The following NAALADL2 variants were observed in gnomAD, a reference collection of about 807,000 sequenced individuals.
The protein encoded by NAALADL2 is inactive N-acetylated-alpha-linked acidic dipeptidase-like protein 2.
NAALADL2 carries 76 observed loss-of-function variants against 87.2 expected under a neutral mutation model. The observed-to-expected ratio is 0.87, with a 90% CI of 0.72 to 1.05. NAALADL2 has a LOEUF of 1.05. Among genes scored for constraint, NAALADL2 ranks in the 50% least tolerant of loss-of-function variants. The pLI is 0.00. For missense variants in NAALADL2, 1,089 were observed against 945.8 expected (o/e 1.15, Z -1.99); for synonymous variants, 354 against 331.0 (o/e 1.07, Z -0.75).
chr3:174,884,478 C>A (rs778063239), intron 1 of NAALADL2, among the ~76,000 whole-genome samples: 7 of 152,140 alleles, frequency 4.6e-5, no homozygotes, highest in Non-Finnish European at 7.3e-5. Context: ...TGTCACACTT[C>A]TTTAGCTGTA....
At chr3:174,817,565 G>T (rs1720939395) in intron 3 of NAALADL2, among the ~76,000 whole-genome samples, 1 of 152,064 alleles carries the variant, frequency 6.6e-6, no homozygotes, top group Admixed American at 6.6e-5. Flanking sequence ...TTGTACCACT[G>T]CACTTCAGCC....
intron 11 of NAALADL2, among the ~76,000 whole-genome samples, chr3:175,704,142 T>C (rs73049384): frequency 0.01 from 1,544 of 152,272 alleles, 31 homozygotes; most frequent in African/African-American, 0.036. Context: ...TGTTATAAAA[T>C]ACAATCTGAG....
At chr3:175,654,648 C>G (rs1394318739) in intron 11 of NAALADL2, among the ~76,000 whole-genome samples, 2 of 152,184 alleles carry the variant, frequency 1.3e-5, no homozygotes, top group Non-Finnish European at 2.9e-5. Context: ...AGTGCAGCTG[C>G]AGGCATAGCT....
intron 3 of NAALADL2, among the ~76,000 whole-genome samples, chr3:175,251,291 G>T (rs866060932): frequency 7.9e-5 from 12 of 152,020 alleles, no homozygotes; most frequent in South Asian, 2.1e-4. Flanking sequence ...TTAGTTCCTT[G>T]TTCTTGGTTA....
intron 10 of NAALADL2, among the ~76,000 whole-genome samples, chr3:175,610,379 A>G (rs1053256979): frequency 6.6e-6 from 1 of 152,042 alleles, no homozygotes; most frequent in African/African-American, 2.4e-5. Context: ...TGTTCAATGT[A>G]CAGATAATGA....
At chr3:175,106,940 G>T (rs1723263917) in intron 2 of NAALADL2, among the ~76,000 whole-genome samples, 1 of 151,864 alleles carries the variant, frequency 6.6e-6, no homozygotes, top group South Asian at 2.1e-4. Context: ...AAATATTGTA[G>T]TCACTTAAAA....
intron 11 of NAALADL2, 144 bp downstream of exon 11, chr3:175,627,530 T>C (rs891485552): frequency 2.3e-4 from 130 of 571,896 alleles, no homozygotes; most frequent in Non-Finnish European, 2.8e-4. Context: ...GTATATCCTA[T>C]TATTTTACTA....
chr3:175,528,482 T>C (rs553114589), intron 9 of NAALADL2, among the ~76,000 whole-genome samples: 1 of 152,072 alleles, frequency 6.6e-6, no homozygotes, highest in Admixed American at 6.5e-5. Context: ...ACTCAAATGC[T>C]AATCTTCTTT....
chr3:174,987,985 A>T (rs959739439), intron 1 of NAALADL2, among the ~76,000 whole-genome samples: 2 of 151,518 alleles, frequency 1.3e-5, no homozygotes, highest in Non-Finnish European at 2.9e-5. Flanking sequence ...AATTTTTTAG[A>T]CCATAGCAAT....
intron 1 of NAALADL2, among the ~76,000 whole-genome samples, chr3:174,528,342 T>C (rs1720950410): frequency 6.6e-6 from 1 of 152,158 alleles, no homozygotes; most frequent in Non-Finnish European, 1.5e-5. Flanking sequence ...ATATTACAAA[T>C]GTAGTCACCA....
At chr3:175,341,183 G>C (rs1762535194) in intron 5 of NAALADL2, among the ~76,000 whole-genome samples, 2 of 151,962 alleles carry the variant, frequency 1.3e-5, no homozygotes, top group African/African-American at 2.4e-5. Flanking sequence ...TCCAGCCCCT[G>C]GCAACTACTA....
chr3:175,518,777 T>C (rs533105856), intron 9 of NAALADL2, among the ~76,000 whole-genome samples: 1 of 152,352 alleles, frequency 6.6e-6, no homozygotes, highest in South Asian at 2.1e-4. Flanking sequence ...CTTCATGCAC[T>C]AATCACCTCT....
chr3:175,433,103 T>C (rs1718037131), intron 5 of NAALADL2, among the ~76,000 whole-genome samples: 1 of 152,012 alleles, frequency 6.6e-6, no homozygotes, highest in South Asian at 2.1e-4. Context: ...GTCTCCCAGC[T>C]CTTCTGGTTT....
intron 2 of NAALADL2, among the ~76,000 whole-genome samples, chr3:174,653,325 A>AAGT (rs1050476187): frequency 3.9e-5 from 6 of 152,200 alleles, no homozygotes; most frequent in Non-Finnish European, 8.8e-5. Context: ...AGAATGCTAT[A>AAGT]AGTAATAAAA....
intron 3 of NAALADL2, among the ~76,000 whole-genome samples, chr3:174,852,506 C>T (rs974256160): frequency 1.3e-5 from 2 of 151,854 alleles, no homozygotes; most frequent in Non-Finnish European, 2.9e-5. Flanking sequence ...TAAACTTAAC[C>T]AAATAAGTGA....
At chr3:175,313,502 G>A (rs190198969) in intron 4 of NAALADL2, among the ~76,000 whole-genome samples, 5 of 152,296 alleles carry the variant, frequency 3.3e-5, no homozygotes, top group Admixed American at 3.3e-4. Flanking sequence ...TATCCAAGTG[G>A]TAGTTCAGGA....
chr3:175,332,258 C>G (rs1200055669), intron 5 of NAALADL2, among the ~76,000 whole-genome samples: 2 of 152,164 alleles, frequency 1.3e-5, no homozygotes, highest in African/African-American at 4.8e-5. Flanking sequence ...AGAGCCCAAA[C>G]AGCCAATCCA....
chr3:174,977,135 C>T (rs1220138048), intron 1 of NAALADL2, among the ~76,000 whole-genome samples: 2 of 152,050 alleles, frequency 1.3e-5, no homozygotes, highest in African/African-American at 2.4e-5. Flanking sequence ...ATAAGCCAGG[C>T]CCAGAAAGGC....
At chr3:174,619,639 T>A (rs1313559360) in intron 2 of NAALADL2, among the ~76,000 whole-genome samples, 1 of 152,012 alleles carries the variant, frequency 6.6e-6, no homozygotes, top group Non-Finnish European at 1.5e-5. Context: ...CAGTAACACT[T>A]CAGCTTCCTG....
Sources: gnomAD v4.1 joint callset for allele counts (sites outside exome capture counted in the v4.1 genomes callset) on GRCh38, gnomAD v4.1.1 for gene constraint, MANE v1.5 for transcripts, NCBI Gene and HGNC (gene_info 2026-07-23, HGNC 2026-07-21) for gene names.